Variants in AFF1 observed in about 807,000 individuals in gnomAD.
AFF1 encodes the protein ALF transcription elongation factor 1, also known as AF4/FMR2 family member 1.
AFF1 carries 48 observed loss-of-function variants against 121.7 expected under a neutral mutation model. That is an observed-to-expected ratio of 0.39 (90% CI 0.31 to 0.50). The LOEUF (loss-of-function observed/expected upper bound fraction) is 0.50, where lower values mean the gene tolerates loss of function less well. Ranked by LOEUF, AFF1 falls within the 20% of genes least tolerant of loss-of-function variation. AFF1 has a pLI of 0.76. For synonymous variants in AFF1, 613 were observed against 563.0 expected, an observed-to-expected ratio of 1.09 and a Z score of -1.26; for missense variants, 1,523 against 1,511.7, an observed-to-expected ratio of 1.01 and a Z score of -0.12.
At chr4:87,047,663 A>T (rs759721117) in intron 4 of AFF1, 69 bp downstream of exon 4, 2 of 1,600,860 alleles carry the variant, frequency 1.2e-6, no homozygotes, top group Non-Finnish European at 1.7e-6. Context: ...TGTCCGGAGG[A>T]TGTGGGGCAA....
At chr4:86,966,835 T>C (rs1934319060) in intron 2 of AFF1, among the ~76,000 whole-genome samples, 1 of 152,166 alleles carries the variant, frequency 6.6e-6, no homozygotes, top group Non-Finnish European at 1.5e-5. Context: ...TCCTTTTGCT[T>C]CTCTAGTTAA....
chr4:86,972,158 A>G (rs1257178270), intron 2 of AFF1, among the ~76,000 whole-genome samples: 2 of 147,562 alleles, frequency 1.4e-5, no homozygotes, highest in East Asian at 1.9e-4. Flanking sequence ...AAAAAAAAAA[A>G]AAGTTTGAAG....
Position 87,100,385 on chromosome 4 carries a change from G to T in AFF1, c.1284-5243G>T, listed in dbSNP as rs117236932. Among the ~76,000 whole-genome samples the T allele has an allele frequency of 1.4e-3, 214 of 152,126 alleles. 3 individuals are homozygous for T. In the East Asian group the frequency reaches 0.039, roughly 28 times the overall value. ...ACATGTCCATTTTCCATTCTGGCAGGCTTGGCCTCCCTGCTCTTTTTGGTG... is the reference window on the plus strand; with the variant it reads ...ACATGTCCATTTTCCATTCTGGCAGTCTTGGCCTCCCTGCTCTTTTTGGTG... On this transcript the variant is annotated intron_variant, in intron 8 of 20. Transcript: ENST00000395146.
At chr4:87,013,853 G>A (rs556760887) in intron 2 of AFF1, among the ~76,000 whole-genome samples, 4 of 152,234 alleles carry the variant, frequency 2.6e-5, no homozygotes, top group African/African-American at 9.6e-5. Flanking sequence ...CAGAGATTCT[G>A]AATGGACAGG....
intron 2 of AFF1, among the ~76,000 whole-genome samples, chr4:87,014,072 A>T (rs1727071269): frequency 6.6e-6 from 1 of 152,174 alleles, no homozygotes; most frequent in Admixed American, 6.5e-5. Flanking sequence ...TACGTCCATA[A>T]AATTTATCCT....
chr4:86,985,093 CAT>C lies in AFF1; in HGVS notation c.38+36523_38+36524del, dbSNP rs535147807. ...AAATTTAATAGAAAAGGGAAACTAA[CAT>C]GTTTTATAAATACAAATATTAATAG... On this transcript the variant is annotated intron_variant, in intron 2 of 20. Coordinates refer to ENST00000395146, the MANE Select transcript of AFF1 (RefSeq NM_001166693.3). Among the ~76,000 whole-genome samples, 1,243 of 144,892 alleles carry C rather than the reference CAT, an allele frequency of 8.6e-3. 24 individuals carry two copies. The highest frequency in any genetic ancestry group is 0.031 in the African/African-American group (1,198 of 39,038).
intron 8 of AFF1, among the ~76,000 whole-genome samples, chr4:87,104,611 T>A (rs1462359480): frequency 6.6e-6 from 1 of 152,172 alleles, no homozygotes; most frequent in Admixed American, 6.5e-5. Context: ...CATAGTGATT[T>A]TTACCAGGAT....
chr4:87,046,141 C>G, intron 2 of AFF1, 25 bp from the exon 3 acceptor site: 1 of 1,606,196 alleles, frequency 6.2e-7, no homozygotes, highest in Non-Finnish European at 8.5e-7. Flanking sequence ...TTATTGTTTT[C>G]ATTCTTTTGT....
intron 11 of AFF1, among the ~76,000 whole-genome samples, chr4:87,110,585 T>A (rs1476145764): frequency 6.6e-6 from 1 of 152,106 alleles, no homozygotes; most frequent in Admixed American, 6.6e-5. Context: ...TTGTTTGAAT[T>A]TTTTAGCTCC....
intron 4 of AFF1, among the ~76,000 whole-genome samples, chr4:87,070,955 C>T (rs762958638): frequency 1.2e-4 from 18 of 152,128 alleles, no homozygotes; most frequent in African/African-American, 2.4e-4. Flanking sequence ...ATAGTGAGTC[C>T]GCTTAAGTCA....
chr4:87,135,612 AC>A lies in AFF1; in HGVS notation c.3570del (p.Leu1191TrpfsTer24). The A allele has an allele frequency of 6.2e-7, 1 of 1,609,206 alleles. No individual in the cohort carries two copies. The highest frequency in any genetic ancestry group is 8.5e-7 in the Non-Finnish European group (1 of 1,177,510). The part of the protein sequence containing the change: ...FFARLSTNVC[T>X]LALNSSLVDL... The stretch of plus-strand genomic sequence containing the variant: ...TGCTCGGCTCAGCACAAATGTGTGC[AC>A]CTTGGCCCTCAACAGCAGTTTGGTG... On this transcript the variant is annotated frameshift_variant, in exon 21 of 21. Transcript: ENST00000395146. LOFTEE classifies it high-confidence loss of function.
chr4:87,113,982 A>C (rs1726816639), intron 11 of AFF1, among the ~76,000 whole-genome samples: 1 of 152,232 alleles, frequency 6.6e-6, no homozygotes, highest in Admixed American at 6.5e-5. Context: ...TGCCTTCTGC[A>C]AATACTTGAT....
chr4:87,052,391 C>T (rs6840031), intron 4 of AFF1, among the ~76,000 whole-genome samples: 4,041 of 152,114 alleles, frequency 0.027, 186 homozygotes, highest in African/African-American at 0.092. Context: ...CCAGCCTGAG[C>T]GACAGTGAGA....
chr4:87,057,085 A>ATTTTGACTT (rs1560582341), intron 4 of AFF1, among the ~76,000 whole-genome samples: 40 of 150,138 alleles, frequency 2.7e-4, no homozygotes, highest in African/African-American at 8.8e-4. Flanking sequence ...GAAGCTGTAC[A>ATTTTGACTT]TTTTTTTTTT....
intron 2 of AFF1, among the ~76,000 whole-genome samples, chr4:86,986,101 C>G (rs540701940): frequency 1.1e-4 from 16 of 145,008 alleles, no homozygotes; most frequent in African/African-American, 3.4e-4. Flanking sequence ...GAGACCGAAT[C>G]TCACTCTGTT....
rs550341489 is a variant in AFF1, at chr4:87,118,378, GTAAA to G, written c.2466+3082_2466+3085del. On this transcript the variant is annotated intron_variant, in intron 12 of 20. Transcript: ENST00000395146. ...AGGAAAAGTAGAGAAAACTGTGAGGGTAAATACGCATGACCTCACGTCGTGTTCT... is the reference window on the plus strand; with the variant it reads ...AGGAAAAGTAGAGAAAACTGTGAGGGTACGCATGACCTCACGTCGTGTTCT... Among the ~76,000 whole-genome samples, 323 of 152,344 alleles carry G rather than the reference GTAAA, an allele frequency of 2.1e-3. 2 individuals are homozygous for G. The highest frequency in any genetic ancestry group is 0.019 in the South Asian group (94 of 4,830).
chr4:87,074,162 C>G (rs543639100), intron 4 of AFF1, among the ~76,000 whole-genome samples: 1 of 152,136 alleles, frequency 6.6e-6, no homozygotes, highest in African/African-American at 2.4e-5. Context: ...TAAATTCTTC[C>G]GAAAAACACT....
rs1553934706 is a variant in AFF1, at chr4:87,114,918, C to T, written c.2085C>T (p.Pro695=). 8.1e-6 allele frequency: 13 copies of T among 1,612,304 alleles called. No individual in the cohort carries two copies. The highest frequency in any genetic ancestry group is 3.3e-5 in the South Asian group (3 of 90,848). ...APSKALSGPE[P]AKDNVEDRTP... Reference sequence around the variant, plus strand: ...CTAAGGCTCTCTCAGGCCCAGAACCCGCGAAGGACAATGTGGAGGACAGGA... The same window carrying T: ...CTAAGGCTCTCTCAGGCCCAGAACCTGCGAAGGACAATGTGGAGGACAGGA... Residue 695 remains proline, a synonymous_variant, in exon 12 of 21, where the codon CCC becomes CCT. Coordinates refer to ENST00000395146, the MANE Select transcript of AFF1 (RefSeq NM_001166693.3).
chr4:87,000,729 G>A (rs554439056), intron 2 of AFF1, among the ~76,000 whole-genome samples: 32 of 151,494 alleles, frequency 2.1e-4, no homozygotes, highest in Non-Finnish European at 4.3e-4. Flanking sequence ...GATTGATCAG[G>A]GTATTAGGGT....
Sources: gnomAD v4.1 joint callset for allele counts (sites outside exome capture counted in the v4.1 genomes callset) on GRCh38, gnomAD v4.1.1 for gene constraint, MANE v1.5 for transcripts, NCBI Gene and HGNC (gene_info 2026-07-23, HGNC 2026-07-21) for gene names.